The following RNF138 variants were observed in gnomAD, a reference collection of about 807,000 sequenced individuals.
RNF138 encodes E3 ubiquitin-protein ligase RNF138.
A neutral mutation model predicts 31.0 loss-of-function variants in RNF138; 12 were observed. That is an observed-to-expected ratio of 0.39 (90% CI 0.25 to 0.63). The LOEUF is 0.63. RNF138 is among the 20% of genes least tolerant of loss of function. The pLI, the probability that RNF138 is intolerant of heterozygous loss-of-function variation, is 0.52. For synonymous variants in RNF138, 105 were observed against 99.5 expected, an observed-to-expected ratio of 1.06 and a Z score of -0.33; for missense variants, 192 against 300.1, an observed-to-expected ratio of 0.64 and a Z score of 2.66.
Position 32,115,856 on chromosome 18 carries a change from C to G in RNF138, c.392+1996C>G, listed in dbSNP as rs1259633818. ...TTTTTATAGCCTCTTTCTTGGTTAT[C>G]CATCGTTGCATCACATGCCTTAGCC... On this transcript the variant is annotated intron_variant, in intron 4 of 7. Transcript: ENST00000261593. 2.0e-5 allele frequency among the ~76,000 whole-genome samples: 3 copies of G among 152,142 alleles called. No individual in the cohort carries two copies. The East Asian group carries it at 5.8e-4, about 29-fold the overall frequency.
At chr18:32,125,381 T>G (rs2040367805) in intron 6 of RNF138, among the ~76,000 whole-genome samples, 1 of 152,194 alleles carries the variant, frequency 6.6e-6, no homozygotes, top group Non-Finnish European at 1.5e-5. Context: ...TGGTGAGAGC[T>G]TTTTGATAAT....
At chr18:32,096,600 G>T (rs556550700) in intron 2 of RNF138, among the ~76,000 whole-genome samples, 1 of 152,168 alleles carries the variant, frequency 6.6e-6, no homozygotes, top group South Asian at 2.1e-4. Flanking sequence ...GACAAGGAAC[G>T]AACAGAAGGA....
chr18:32,129,048 TA>T, intron 7 of RNF138, 70 bp from the exon 8 acceptor site: 2 of 995,512 alleles, frequency 2.0e-6, no homozygotes, highest in Non-Finnish European at 1.6e-6. Flanking sequence ...TCAAGATGTC[TA>T]ATGTTTTGGG....
chr18:32,129,059 G>T (rs1598868557), intron 7 of RNF138, 60 bp from the exon 8 acceptor site: 1 of 1,138,770 alleles, frequency 8.8e-7, no homozygotes, highest in Non-Finnish European at 1.3e-6. Flanking sequence ...AATGTTTTGG[G>T]CAAAGTATTA....
At chr18:32,122,028 C>T (rs1412197198) in intron 4 of RNF138, among the ~76,000 whole-genome samples, 1 of 151,998 alleles carries the variant, frequency 6.6e-6, no homozygotes, top group Non-Finnish European at 1.5e-5. Context: ...GTCACCACAC[C>T]CGGCTAATTT....
intron 4 of RNF138, among the ~76,000 whole-genome samples, chr18:32,121,518 C>A (rs1388637287): frequency 6.6e-6 from 1 of 152,066 alleles, no homozygotes; most frequent in Non-Finnish European, 1.5e-5. Flanking sequence ...AAGTTTTAAT[C>A]CTATTTTCTA....
chr18:32,131,007 C>T lies in RNF138; in HGVS notation c.*1820C>T, dbSNP rs933316612. 1.3e-5 allele frequency: 1 copy of T among 77,230 alleles called. No individual in the cohort carries two copies. Among genetic ancestry groups the T allele is most frequent in the Non-Finnish European group, 2.7e-5 (1 of 37,472 alleles). The allele number at this position is 77,230 out of a possible 1,614,324, so 4.8% of individuals were successfully genotyped here. A position where few individuals can be genotyped will look rare whatever the true frequency, so the allele number is the denominator to read the frequency against. ...ATACATCCAATATGTCAAGTTAAAC[C>T]ATTCTGGGATTTGCAAAGTTTAATA... is the stretch of plus-strand genomic sequence containing the variant. On this transcript the variant is annotated 3_prime_UTR_variant, in exon 8 of 8. Coordinates refer to ENST00000261593, the MANE Select transcript of RNF138 (RefSeq NM_016271.5).
intron 6 of RNF138, 134 bp downstream of exon 6, chr18:32,124,979 C>T (rs2144289138): frequency 1.7e-6 from 1 of 578,666 alleles, no homozygotes; most frequent in East Asian, 2.8e-5. Context: ...AGATTTTTGT[C>T]AACAAAGGAT....
At chr18:32,119,342 C>T (rs544661783) in intron 4 of RNF138, among the ~76,000 whole-genome samples, 5 of 152,324 alleles carry the variant, frequency 3.3e-5, no homozygotes, top group African/African-American at 1.2e-4. Flanking sequence ...TCAAACAGTC[C>T]TCCCGCCTTG....
At chr18:32,098,684 C>G (rs557203724) in intron 2 of RNF138, among the ~76,000 whole-genome samples, 12 of 151,420 alleles carry the variant, frequency 7.9e-5, no homozygotes, top group Non-Finnish European at 1.8e-4. Flanking sequence ...AACCCTGTCT[C>G]TACTAAAAAT....
At chr18:32,095,594 G>C (rs1056949616) in intron 2 of RNF138, among the ~76,000 whole-genome samples, 1 of 152,170 alleles carries the variant, frequency 6.6e-6, no homozygotes, top group African/African-American at 2.4e-5. Context: ...CGAATAGAGA[G>C]TTGAAGTGAT....
chr18:32,115,868 C>T (rs1207038139), intron 4 of RNF138, among the ~76,000 whole-genome samples: 1 of 152,188 alleles, frequency 6.6e-6, no homozygotes, highest in African/African-American at 2.4e-5. Context: ...ATCGTTGCAT[C>T]ACATGCCTTA....
chr18:32,094,765 T>A (rs2039774700), intron 2 of RNF138, among the ~76,000 whole-genome samples: 1 of 151,994 alleles, frequency 6.6e-6, no homozygotes, highest in Non-Finnish European at 1.5e-5. Flanking sequence ...GAGAGGAAGT[T>A]GTAATAGCTG....
At chr18:32,097,104 A>C (rs916343688) in intron 2 of RNF138, among the ~76,000 whole-genome samples, 1 of 152,252 alleles carries the variant, frequency 6.6e-6, no homozygotes, top group African/African-American at 2.4e-5. Flanking sequence ...GCAAGGCTTC[A>C]GAAGAAAGTA....
chr18:32,093,069 G>A (rs2039732572), intron 2 of RNF138, among the ~76,000 whole-genome samples, 183 bp downstream of exon 2: 1 of 150,864 alleles, frequency 6.6e-6, no homozygotes, highest in Non-Finnish European at 1.5e-5. Context: ...CCTCAGCCTC[G>A]GGGCCCGCTC....
intron 6 of RNF138, among the ~76,000 whole-genome samples, chr18:32,125,495 GGAGA>G (rs1480298210): frequency 1.3e-5 from 2 of 152,144 alleles, no homozygotes; most frequent in Admixed American, 1.3e-4. Context: ...AACTGAGCTG[GGAGA>G]GAGATTTCCC....
intron 4 of RNF138, among the ~76,000 whole-genome samples, chr18:32,117,255 G>A (rs774525548): frequency 2.0e-5 from 3 of 151,746 alleles, no homozygotes; most frequent in South Asian, 2.1e-4. Flanking sequence ...TTATATTCAC[G>A]GTCTGAGCAG....
intron 2 of RNF138, among the ~76,000 whole-genome samples, chr18:32,106,029 T>TA (rs2040022641): frequency 6.6e-6 from 1 of 152,252 alleles, no homozygotes; most frequent in African/African-American, 2.4e-5. Context: ...TTGGAATACC[T>TA]ATTGCATGTT....
intron 5 of RNF138, 102 bp from the exon 6 acceptor site, chr18:32,124,632 A>G: frequency 3.0e-6 from 2 of 659,284 alleles, no homozygotes; most frequent in Non-Finnish European, 5.4e-6. Flanking sequence ...TCTAATAATT[A>G]TAACTTTTTT....
Sources: gnomAD v4.1 joint callset for allele counts (sites outside exome capture counted in the v4.1 genomes callset) on GRCh38, gnomAD v4.1.1 for gene constraint, MANE v1.5 for transcripts, NCBI Gene and HGNC (gene_info 2026-07-23, HGNC 2026-07-21) for gene names.